The following FMNL3 variants were observed in gnomAD, a reference collection of about 807,000 sequenced individuals.
FMNL3 encodes the protein formin-like protein 3.
In FMNL3, 57 loss-of-function variants were observed where a neutral mutation model predicts 119.6. The ratio of observed to expected loss-of-function variants is 0.48; its 90% CI spans 0.39 to 0.59. FMNL3 has a LOEUF of 0.59. Among genes scored for constraint, FMNL3 ranks in the 20% least tolerant of loss-of-function variants. The pLI is 0.00. For missense variants in FMNL3, 1,053 were observed against 1,323.5 expected (o/e 0.80, Z 3.17); for synonymous variants, 491 against 507.3 (o/e 0.97, Z 0.43).
chr12:49,660,980 T>C (rs1270215546), intron 5 of FMNL3, among the ~76,000 whole-genome samples: 1 of 152,116 alleles, frequency 6.6e-6, no homozygotes, highest in Non-Finnish European at 1.5e-5. Context: ...CTCAAAAAAA[T>C]GTCAGGGCTA....
chr12:49,650,570 G>A (rs1485361885), intron 17 of FMNL3, 106 bp downstream of exon 17: 5 of 1,270,230 alleles, frequency 3.9e-6, no homozygotes, highest in Non-Finnish European at 5.6e-6. Flanking sequence ...GGGGATGTGA[G>A]GGAGTTCTGT....
At chr12:49,679,432 C>A (rs1176604010) in intron 1 of FMNL3, among the ~76,000 whole-genome samples, 1 of 151,946 alleles carries the variant, frequency 6.6e-6, no homozygotes. Flanking sequence ...GATCTCTGTG[C>A]ATTCCTTCCT....
Position 49,637,855 on chromosome 12 carries a change from A to G in FMNL3, c.*7960T>C. 2 of 1,539,696 alleles carry G rather than the reference A, an allele frequency of 1.3e-6. No homozygotes were observed. The highest frequency in any genetic ancestry group is 1.8e-6 in the Non-Finnish European group (2 of 1,114,232). ...GGAGGCTGGGGTTATGGATGGATACAGGATGGATGCAGGGCACACTCCCTG... is the reference window on the plus strand; with the variant it reads ...GGAGGCTGGGGTTATGGATGGATACGGGATGGATGCAGGGCACACTCCCTG... On this transcript the variant is annotated 3_prime_UTR_variant, in exon 26 of 26. Coordinates refer to ENST00000335154, the MANE Select transcript of FMNL3 (RefSeq NM_175736.5).
At chr12:49,646,126 T>TG (rs1249020568) in intron 25 of FMNL3, among the ~76,000 whole-genome samples, 8 of 152,070 alleles carry the variant, frequency 5.3e-5, no homozygotes, top group African/African-American at 1.7e-4. Context: ...TAGAGGCCAC[T>TG]GGGCAGTGGA....
At chr12:49,682,311 C>T (rs1406772594) in intron 1 of FMNL3, among the ~76,000 whole-genome samples, 1 of 151,916 alleles carries the variant, frequency 6.6e-6, no homozygotes, top group Non-Finnish European at 1.5e-5. Flanking sequence ...ACCTCGTGAT[C>T]CACCTGCCTC....
intron 1 of FMNL3, among the ~76,000 whole-genome samples, chr12:49,682,365 T>C (rs906647553): frequency 1.3e-5 from 2 of 152,160 alleles, no homozygotes; most frequent in Non-Finnish European, 2.9e-5. Flanking sequence ...CCACCGTGCC[T>C]GGCCCTCATA....
Position 49,648,358 on chromosome 12 carries a change from T to G in FMNL3, c.2516-5A>C. 6.2e-7 allele frequency: 1 copy of G among 1,608,730 alleles called. No homozygotes were observed. Among genetic ancestry groups the G allele is most frequent in the South Asian group, 1.1e-5 (1 of 90,558 alleles). On this transcript the variant is annotated splice_region_variant and splice_polypyrimidine_tract_variant and intron_variant, in intron 21 of 25. Transcript: ENST00000335154. ...GCAGCACGTTCTCCAGGGACACTGG[T>G]CACCAAAAGCCTGGCTGAGGAATGC...
intron 5 of FMNL3, among the ~76,000 whole-genome samples, chr12:49,660,300 A>T (rs1184142712): frequency 6.6e-6 from 1 of 152,202 alleles, no homozygotes; most frequent in African/African-American, 2.4e-5. Flanking sequence ...CTGAGGTTCC[A>T]GGGTACTCTT....
chr12:49,645,876 C>T lies in FMNL3; in HGVS notation c.3023G>A (p.Arg1008His), dbSNP rs752654959. 12 of 1,611,244 alleles carry T rather than the reference C, an allele frequency of 7.4e-6. No homozygotes were observed. Among genetic ancestry groups the T allele is most frequent in the East Asian group, 2.2e-5 (1 of 44,544 alleles). The change falls in exon 26 of 26, where the codon CGC becomes CAC. Residue 1008 changes from arginine to histidine, a missense_variant. This residue lies in a region of FMNL3 where 324 missense variants were observed against 380.9 expected (regional missense o/e 0.85). Transcript: ENST00000335154. ...TGLHCQPMVV[R>H]HQARSAAPPS... ...CGGTGCAGCACTCCTGGCTTGGTGG[C>T]GAACAACCATAGGCTGGCAGTGGAG...
At chr12:49,646,816 C>G in intron 25 of FMNL3, 70 bp downstream of exon 25, 1 of 1,604,484 alleles carries the variant, frequency 6.2e-7, no homozygotes, top group Non-Finnish European at 8.5e-7. Context: ...GAGGAGAGCC[C>G]AAAGGGGTTA....
rs1466369076 is a variant in FMNL3 at position 49,692,199 on chromosome 12, A to G, written c.126+14856T>C. ...AAGACCCTGTCTATTCAAAAAATAC[A>G]AAAATTAGCCAGGCATGGTGGTGCA... is the stretch of plus-strand genomic sequence containing the variant. On this transcript the variant is annotated intron_variant, in intron 1 of 25. Transcript: ENST00000335154. Among the ~76,000 whole-genome samples the G allele has an allele frequency of 2.6e-5, 4 of 152,076 alleles. No homozygotes were observed. The East Asian group carries it at 7.7e-4, about 29-fold the overall frequency.
At chr12:49,698,757 CT>C (rs1249317146) in intron 1 of FMNL3, among the ~76,000 whole-genome samples, 10 of 152,214 alleles carry the variant, frequency 6.6e-5, no homozygotes, top group Non-Finnish European at 1.5e-5. Flanking sequence ...GACTGACTCA[CT>C]CTCCATGTGA....
intron 1 of FMNL3, among the ~76,000 whole-genome samples, chr12:49,702,023 G>A (rs988668130): frequency 5.3e-5 from 8 of 152,168 alleles, no homozygotes; most frequent in African/African-American, 1.9e-4. Context: ...ATATATACTG[G>A]CAGGGCATGG....
intron 1 of FMNL3, among the ~76,000 whole-genome samples, chr12:49,681,786 G>A (rs1944342940): frequency 6.9e-6 from 1 of 145,570 alleles, no homozygotes; most frequent in Non-Finnish European, 1.5e-5. Flanking sequence ...TTGAACTCCT[G>A]ACCTCAAGCA....
At position 49,643,653 on chromosome 12, in the gene FMNL3, C is replaced by A. The variant is rs763611565; in HGVS notation, c.*2162G>T. ...GAACAAAGAAAAAGAGCCTGTCTTT[C>A]TCCTGTTGGGACTTAGTAGGGATTT... On this transcript the variant is annotated 3_prime_UTR_variant, in exon 26 of 26. Transcript: ENST00000335154. The A allele has an allele frequency of 1.3e-6, 2 of 1,596,176 alleles. No homozygotes were observed. Among genetic ancestry groups the A allele is most frequent in the Non-Finnish European group, 1.7e-6 (2 of 1,170,142 alleles).
chr12:49,677,551 T>C (rs1467666240), intron 1 of FMNL3, among the ~76,000 whole-genome samples: 1 of 152,262 alleles, frequency 6.6e-6, no homozygotes, highest in Admixed American at 6.5e-5. Flanking sequence ...AGAACCTATA[T>C]AGTAAATATT....
rs746147639 is a variant in FMNL3 at position 49,653,715 on chromosome 12, G to T, written c.1221+10C>A. 6.2e-7 allele frequency: 1 copy of T among 1,613,762 alleles called. No individual in the cohort carries two copies. On this transcript the variant is annotated intron_variant, in intron 12 of 25. Coordinates refer to ENST00000335154, the MANE Select transcript of FMNL3 (RefSeq NM_175736.5). The stretch of plus-strand genomic sequence containing the variant: ...ACAGTGGCTCTGGCAGGCAAAGGAA[G>T]ACCACCTACATGGGACACATGCTCC...
chr12:49,685,876 G>A (rs1944443800), intron 1 of FMNL3, among the ~76,000 whole-genome samples: 1 of 152,044 alleles, frequency 6.6e-6, no homozygotes, highest in Non-Finnish European at 1.5e-5. Flanking sequence ...AGACCAGCGT[G>A]GCCAACACGG....
chr12:49,651,969 C>T lies in FMNL3; in HGVS notation c.1567G>A (p.Ala523Thr). Residue 523 changes from alanine to threonine, a missense_variant, in exon 14 of 26, where the codon GCT becomes ACT. By Grantham distance (58) the Ala-to-Thr change is moderately conservative (BLOSUM62 0). Coordinates refer to ENST00000335154, the MANE Select transcript of FMNL3 (RefSeq NM_175736.5). ...GGAGGTGGAGGGGGCAAGGGCGGAG[C>T]TGGTGGTGGAGGAAGAGGCAGGACC... Reference protein sequence around the residue: ...EEVLPLPPPPAPPLPPPPPPL... With the variant: ...EEVLPLPPPPTPPLPPPPPPL... 6.2e-7 allele frequency: 1 copy of T among 1,605,406 alleles called. No homozygotes were observed. The highest frequency in any genetic ancestry group is 8.5e-7 in the Non-Finnish European group (1 of 1,175,530).
Sources: allele counts gnomAD v4.1 joint callset (sites outside exome capture counted in the v4.1 genomes callset), GRCh38; gene constraint gnomAD v4.1.1; regional missense constraint gnomAD v4.1.1; transcripts MANE v1.5; gene names NCBI Gene and HGNC (gene_info 2026-07-23, HGNC 2026-07-21).